Variants in GABRG3 observed in about 807,000 individuals in gnomAD.
The protein encoded by GABRG3 is gamma-aminobutyric acid type A receptor subunit gamma3.
A neutral mutation model predicts 48.8 loss-of-function variants in GABRG3; 25 were observed. The ratio of observed to expected loss-of-function variants is 0.51; its 90% confidence interval spans 0.37 to 0.72. GABRG3 has a LOEUF of 0.72. Ranked by LOEUF, GABRG3 falls within the 30% of genes least tolerant of loss-of-function variation. The pLI, the probability that GABRG3 is intolerant of heterozygous loss-of-function variation, is 0.00. For missense variants in GABRG3, 394 were observed against 577.9 expected (o/e 0.68, Z 3.26); for synonymous variants, 227 against 217.6 (o/e 1.04, Z -0.38).
chr15:27,265,390 G>T (rs10152135), intron 3 of GABRG3, among the ~76,000 whole-genome samples: 19,033 of 151,988 alleles, frequency 0.13, 2,096 homozygotes, highest in African/African-American at 0.29. Flanking sequence ...AAAAACACCC[G>T]TCTATGCAAA....
rs117924324 is a variant in GABRG3 at position 26,976,424 on chromosome 15, C to G, written c.54-578C>G. Reference sequence around the variant, plus strand: ...ACCAGTCATCAGCGAACATCGCTGTCCTTGCCTCCAATCTGAGTGCCGGCA... The same window carrying G: ...ACCAGTCATCAGCGAACATCGCTGTGCTTGCCTCCAATCTGAGTGCCGGCA... On this transcript the variant is annotated intron_variant, in intron 1 of 9. Coordinates refer to ENST00000615808, the MANE Select transcript of GABRG3 (RefSeq NM_033223.5). This position sits in a 1 kb window ranked among gnomAD's most constrained non-coding sequence, Gnocchi z 7.8. Among the ~76,000 whole-genome samples, 1 of 152,246 alleles carries G rather than the reference C, an allele frequency of 6.6e-6. No homozygotes were observed. The highest frequency in any genetic ancestry group is 1.9e-4 in the East Asian group (1 of 5,196).
chr15:27,188,248 T>C (rs1566958880), intron 3 of GABRG3, among the ~76,000 whole-genome samples: 1 of 152,196 alleles, frequency 6.6e-6, no homozygotes, highest in Non-Finnish European at 1.5e-5. Flanking sequence ...TACCCAGTAA[T>C]GGGATGGCTG....
chr15:27,145,630 T>TATC (rs60957894), intron 3 of GABRG3, among the ~76,000 whole-genome samples: 12 of 140,962 alleles, frequency 8.5e-5, no homozygotes, highest in Admixed American at 1.4e-4. Context: ...TCTATCTATC[T>TATC]ATCTATCTAT....
chr15:27,021,384 C>G (rs899937035), intron 2 of GABRG3, among the ~76,000 whole-genome samples: 3 of 152,182 alleles, frequency 2.0e-5, no homozygotes, highest in African/African-American at 7.2e-5. Flanking sequence ...ACCTGCCTTC[C>G]AATGACCAGC....
At chr15:27,059,895 T>TGGCC (rs1053657912) in intron 3 of GABRG3, among the ~76,000 whole-genome samples, 27 of 152,346 alleles carry the variant, frequency 1.8e-4, no homozygotes, top group African/African-American at 5.5e-4. Flanking sequence ...TAGCAAAAGG[T>TGGCC]GGCCATTCCT....
chr15:27,256,373 A>C lies in GABRG3; in HGVS notation c.271-70436A>C, dbSNP rs374630098. ...GGAGAATGGCGTGAACCCGGGAGGC[A>C]GTGCTTGCAGTGAGCCGAGATGGCG... On this transcript the variant is annotated intron_variant, in intron 3 of 9. Transcript: ENST00000615808. 4.3e-3 allele frequency among the ~76,000 whole-genome samples: 646 copies of C among 150,432 alleles called. 17 individuals carry two copies. In the East Asian group the frequency reaches 0.06, roughly 14 times the overall value.
intron 3 of GABRG3, chr15:27,207,970 G>C (rs1049253775): frequency 1.2e-4 from 18 of 152,372 alleles, no homozygotes; most frequent in African/African-American, 4.3e-4. Context: ...AGGACTTGTT[G>C]AGACAGACTT....
intron 5 of GABRG3, among the ~76,000 whole-genome samples, chr15:27,437,867 T>C (rs932499566): frequency 6.6e-6 from 1 of 152,252 alleles, no homozygotes; most frequent in African/African-American, 2.4e-5. Context: ...GAGGGGTCCA[T>C]GTGTGCAGAG....
At chr15:27,530,311 G>A (rs550178936) in intron 9 of GABRG3, among the ~76,000 whole-genome samples, 3 of 152,318 alleles carry the variant, frequency 2.0e-5, no homozygotes, top group Admixed American at 2.0e-4. Flanking sequence ...CACAAAAGAG[G>A]AGGGAGTCAG....
chr15:27,278,610 C>T (rs1891334186), intron 3 of GABRG3, among the ~76,000 whole-genome samples: 1 of 152,176 alleles, frequency 6.6e-6, no homozygotes, highest in Non-Finnish European at 1.5e-5. Flanking sequence ...ATCTCTCCAA[C>T]TTATGTGTAT....
chr15:27,025,622 C>T (rs950867302), intron 2 of GABRG3, among the ~76,000 whole-genome samples: 2 of 152,140 alleles, frequency 1.3e-5, no homozygotes, highest in East Asian at 1.9e-4. Context: ...GTCTGGGGAT[C>T]GTTGCCCAGG....
In GABRG3 at chr15:27,540,670, A is replaced by C. The variant is rs979143680; in HGVS notation, c.*7789A>C. 2 of 152,240 alleles carry C rather than the reference A, an allele frequency of 1.3e-5. No homozygotes were observed. Among genetic ancestry groups the C allele is most frequent in the African/African-American group, 4.8e-5 (2 of 41,462 alleles). 9.4% of individuals were successfully genotyped at this position (152,240 alleles called of 1,614,324 possible). On this transcript the variant is annotated 3_prime_UTR_variant, in exon 10 of 10. Coordinates refer to ENST00000615808, the MANE Select transcript of GABRG3 (RefSeq NM_033223.5). The stretch of plus-strand genomic sequence containing the variant: ...CCTGCTCACACGTTTGTACAACTAC[A>C]CAATGTGTTTTCCTTTACGTGCAGC...
At chr15:27,196,180 CCCTGCTTATACATT>C (rs1471683363) in intron 3 of GABRG3, among the ~76,000 whole-genome samples, 5 of 152,148 alleles carry the variant, frequency 3.3e-5, no homozygotes, top group Non-Finnish European at 7.3e-5. Context: ...TCCATCCTAG[CCCTGCTTATACATT>C]CCTGGTCAGC....
intron 3 of GABRG3, among the ~76,000 whole-genome samples, chr15:27,178,209 C>T (rs536403631): frequency 9.2e-5 from 14 of 152,158 alleles, no homozygotes; most frequent in Non-Finnish European, 1.8e-4. Context: ...AACTCTTGGG[C>T]TAATGGAGTA....
chr15:27,385,671 A>G (rs754384555), intron 5 of GABRG3, among the ~76,000 whole-genome samples: 1 of 152,112 alleles, frequency 6.6e-6, no homozygotes, highest in African/African-American at 2.4e-5. Flanking sequence ...CCTCCAGTAA[A>G]TGTCTAATTT....
chr15:27,106,933 G>A (rs758920554), intron 3 of GABRG3, among the ~76,000 whole-genome samples: 2 of 152,000 alleles, frequency 1.3e-5, no homozygotes, highest in Non-Finnish European at 2.9e-5. Flanking sequence ...GTAGTAGTCT[G>A]CCAAGGAAAT....
chr15:27,067,587 G>A (rs914697815), intron 3 of GABRG3, among the ~76,000 whole-genome samples: 4 of 152,184 alleles, frequency 2.6e-5, no homozygotes, highest in Non-Finnish European at 5.9e-5. Context: ...GGCTGCAGCT[G>A]CCTCCAGCTG....
chr15:27,460,453 C>G (rs957819289), intron 5 of GABRG3, among the ~76,000 whole-genome samples: 1 of 152,148 alleles, frequency 6.6e-6, no homozygotes, highest in African/African-American at 2.4e-5. Flanking sequence ...CAAGGAGAAC[C>G]AGGAAACTCA....
At chr15:27,143,898 G>A (rs889148340) in intron 3 of GABRG3, among the ~76,000 whole-genome samples, 4 of 152,236 alleles carry the variant, frequency 2.6e-5, no homozygotes, top group East Asian at 3.9e-4. Context: ...ATACACCTTC[G>A]TAGTGTAGAG....
Sources: allele counts gnomAD v4.1 joint callset (sites outside exome capture counted in the v4.1 genomes callset), GRCh38; gene constraint gnomAD v4.1.1; non-coding constraint Gnocchi (gnomAD v3.1); transcripts MANE v1.5; gene names NCBI Gene and HGNC (gene_info 2026-07-23, HGNC 2026-07-21).